CNTNAP3: variants seen among roughly 807,000 people sequenced by gnomAD.
CNTNAP3 encodes contactin associated protein family member 3, also known as contactin-associated protein-like 3.
In CNTNAP3, 36 loss-of-function variants were observed where a neutral mutation model predicts 92.1. The observed-to-expected ratio is 0.39, with a 90% CI of 0.30 to 0.52. CNTNAP3 has a LOEUF of 0.52. CNTNAP3 is among the 20% of genes least tolerant of loss of function. The pLI, the probability that CNTNAP3 is intolerant of heterozygous loss-of-function variation, is 0.76. For synonymous variants in CNTNAP3, 232 were observed against 422.3 expected, an observed-to-expected ratio of 0.55 and a Z score of 5.53; for missense variants, 534 against 1,069.6, an observed-to-expected ratio of 0.50 and a Z score of 6.98.
intron 2 of CNTNAP3, among the ~76,000 whole-genome samples, chr9:39,241,745 C>T (rs1332196739): frequency 0.11 from 541 of 5,104 alleles, 257 homozygotes; most frequent in African/African-American, 0.11. Context: ...AGTGCAGTGG[C>T]GAGATCTCTG....
intron 14 of CNTNAP3, 26 bp downstream of exon 14, chr9:39,118,077 G>C (rs1206015542): frequency 1.0e-5 from 16 of 1,582,088 alleles, no homozygotes; most frequent in Non-Finnish European, 1.3e-5. Context: ...CCACATTTTT[G>C]TGCAGGGAAA....
At chr9:39,148,319 A>T (rs1310142402) in intron 10 of CNTNAP3, among the ~76,000 whole-genome samples, 1 of 152,214 alleles carries the variant, frequency 6.6e-6, no homozygotes. Context: ...AAATTATTCC[A>T]TGCTGAATAA....
intron 19 of CNTNAP3, among the ~76,000 whole-genome samples, chr9:39,087,550 G>A (rs945536417): frequency 5.3e-5 from 8 of 150,106 alleles, no homozygotes; most frequent in Non-Finnish European, 1.2e-4. Context: ...GCAGTGGCGC[G>A]ATCTGGGCTC....
chr9:39,102,851 T>A, intron 16 of CNTNAP3, 136 bp from the exon 17 acceptor site: 1 of 1,262,234 alleles, frequency 7.9e-7, no homozygotes, highest in Non-Finnish European at 1.1e-6. Flanking sequence ...GGACTGTGAG[T>A]TGGGGTGGGG....
Position 39,067,605 on chromosome 9 carries a change from G to T in CNTNAP3, c.*6285C>A, listed in dbSNP as rs1825537482. ...TAGAGACGGGGTTTCCACCTTGTTA[G>T]CAGGATGGTCTCCATCTCCCGACCT... On this transcript the variant is annotated 3_prime_UTR_variant, in exon 24 of 24. Transcript: ENST00000297668. Among the ~76,000 whole-genome samples, 1 of 152,298 alleles carries T rather than the reference G, an allele frequency of 6.6e-6. No homozygotes were observed. Among genetic ancestry groups the T allele is most frequent in the Non-Finnish European group, 1.5e-5 (1 of 68,048 alleles).
At chr9:39,125,945 G>C (rs1370595759) in intron 13 of CNTNAP3, among the ~76,000 whole-genome samples, 5 of 152,122 alleles carry the variant, frequency 3.3e-5, no homozygotes, top group Non-Finnish European at 5.9e-5. Flanking sequence ...AAATCATTAA[G>C]GATAGATTTG....
At chr9:39,148,772 T>G (rs139398701) in intron 10 of CNTNAP3, among the ~76,000 whole-genome samples, 14,071 of 152,142 alleles carry the variant, frequency 0.092, 715 homozygotes, top group African/African-American at 0.14. Context: ...TGATCCGCTC[T>G]CCTCGGCCTC....
At chr9:39,075,158 T>G in intron 23 of CNTNAP3, among the ~76,000 whole-genome samples, 1 of 152,146 alleles carries the variant, frequency 6.6e-6, no homozygotes. Flanking sequence ...TCATTTTTTT[T>G]TTACCTGGAA....
intron 15 of CNTNAP3, chr9:39,106,581 C>T (rs902200768): frequency 5.3e-5 from 8 of 152,140 alleles, no homozygotes; most frequent in Non-Finnish European, 7.4e-5. Flanking sequence ...ATCACACTTT[C>T]TCTTCTCCAT....
chr9:39,168,293 A>T, intron 8 of CNTNAP3, among the ~76,000 whole-genome samples: 1 of 145,728 alleles, frequency 6.9e-6, no homozygotes, highest in East Asian at 2.5e-4. Context: ...CTGGGATTAC[A>T]GGCGTGAGCC....
At chr9:39,082,148 C>G (rs2118400813) in intron 21 of CNTNAP3, among the ~76,000 whole-genome samples, 1 of 151,564 alleles carries the variant, frequency 6.6e-6, no homozygotes, top group South Asian at 2.1e-4. Flanking sequence ...AATTTAGTCC[C>G]TCAGTTATAC....
rs1370977751 is a variant in CNTNAP3, at chr9:39,202,281, T to C, written c.391-9006A>G. 1.1e-4 allele frequency among the ~76,000 whole-genome samples: 5 copies of C among 47,558 alleles called. 2 individuals carry two copies. Among genetic ancestry groups the C allele is most frequent in the African/African-American group, 1.8e-4 (5 of 27,734 alleles). 31.2% of individuals were successfully genotyped at this position (47,558 alleles called of 152,430 possible). A position where few individuals can be genotyped will look rare whatever the true frequency, so the allele number is the denominator to read the frequency against. On this transcript the variant is annotated intron_variant, in intron 3 of 23. Transcript: ENST00000297668. ...TACCATGTTTTTTGTTTTGTTTTGT[T>C]TTGTTTGCAGATGACATGATTGTAT...
chr9:39,142,516 C>G (rs1821602041), intron 11 of CNTNAP3, among the ~76,000 whole-genome samples: 1 of 151,738 alleles, frequency 6.6e-6, no homozygotes, highest in Admixed American at 6.6e-5. Context: ...ACTAAAAATA[C>G]AAAAAATTAG....
intron 12 of CNTNAP3, among the ~76,000 whole-genome samples, chr9:39,137,115 G>A (rs1312946212): frequency 6.6e-6 from 1 of 151,312 alleles, no homozygotes; most frequent in Non-Finnish European, 1.5e-5. Context: ...CTCTTTACAC[G>A]TATGTTACAC....
At chr9:39,136,852 A>T (rs928413976) in intron 12 of CNTNAP3, among the ~76,000 whole-genome samples, 1 of 152,150 alleles carries the variant, frequency 6.6e-6, no homozygotes, top group East Asian at 1.9e-4. Context: ...GTGAGCCAAG[A>T]TCGTACCATT....
At chr9:39,146,661 C>T (rs1821708549) in intron 10 of CNTNAP3, among the ~76,000 whole-genome samples, 1 of 152,148 alleles carries the variant, frequency 6.6e-6, no homozygotes, top group South Asian at 2.1e-4. Context: ...TGCACTCCAG[C>T]CTGGGCGACA....
intron 13 of CNTNAP3, among the ~76,000 whole-genome samples, chr9:39,119,924 C>G (rs1820967812): frequency 6.6e-6 from 1 of 151,884 alleles, no homozygotes; most frequent in Non-Finnish European, 1.5e-5. Context: ...TCTAACCTGA[C>G]CAAAAAAGAG....
At chr9:39,143,267 C>T (rs1211823331) in intron 11 of CNTNAP3, among the ~76,000 whole-genome samples, 1 of 151,586 alleles carries the variant, frequency 6.6e-6, no homozygotes, top group African/African-American at 2.4e-5. Context: ...TGTTCTTACA[C>T]TTAAATGTCT....
intron 10 of CNTNAP3, among the ~76,000 whole-genome samples, chr9:39,147,997 C>T (rs1484714200): frequency 1.3e-5 from 2 of 152,158 alleles, no homozygotes; most frequent in African/African-American, 4.8e-5. Flanking sequence ...GCTCTTGTCA[C>T]TCACAGTGTG....
Sources: allele counts gnomAD v4.1 joint callset (sites outside exome capture counted in the v4.1 genomes callset), GRCh38; gene constraint gnomAD v4.1.1; transcripts MANE v1.5; gene names NCBI Gene and HGNC (gene_info 2026-07-23, HGNC 2026-07-21).